The following PRRC2C variants were observed in gnomAD, a reference collection of about 807,000 sequenced individuals.
The protein encoded by PRRC2C is proline rich coiled-coil 2C.
PRRC2C carries 72 observed loss-of-function variants against 317.2 expected under a neutral mutation model. The ratio of observed to expected loss-of-function variants is 0.23; its 90% CI spans 0.19 to 0.28. The LOEUF (loss-of-function observed/expected upper bound fraction) is 0.28, where lower values mean the gene tolerates loss of function less well. Ranked by LOEUF, PRRC2C falls within the 10% of genes least tolerant of loss-of-function variation. The probability of loss-of-function intolerance (pLI) is 1.00; values close to 1 mark genes in which losing one functional copy is unlikely to be tolerated. For synonymous variants in PRRC2C, 1,296 were observed against 1,205.9 expected (o/e 1.07, Z -1.55); for missense variants, 3,074 against 3,459.7 (o/e 0.89, Z 2.80).
intron 1 of PRRC2C, chr1:171,511,434 T>C (rs1359752837): frequency 1.3e-5 from 2 of 152,188 alleles, no homozygotes; most frequent in African/African-American, 2.4e-5. Context: ...ACTTTATATA[T>C]GCTTTGAAAA....
At chr1:171,531,728 C>T (rs950722355) in intron 11 of PRRC2C, among the ~76,000 whole-genome samples, 1 of 152,154 alleles carries the variant, frequency 6.6e-6, no homozygotes, top group African/African-American at 2.4e-5. Context: ...TCAGATGATC[C>T]TCCGATTCTC....
chr1:171,514,674 C>T (rs777316883), intron 4 of PRRC2C, 29 bp downstream of exon 4: 41 of 1,529,816 alleles, frequency 2.7e-5, no homozygotes, highest in Non-Finnish European at 3.5e-5. Flanking sequence ...GGGAAGCTGC[C>T]TAGGCTTGAT....
intron 1 of PRRC2C, among the ~76,000 whole-genome samples, chr1:171,493,862 G>A (rs1477914721): frequency 6.6e-6 from 1 of 152,058 alleles, no homozygotes; most frequent in Non-Finnish European, 1.5e-5. Context: ...TATTAGTTTT[G>A]CAAATATTGA....
rs141563608 is a variant in PRRC2C at position 171,537,265 on chromosome 1, A to G, written c.2296A>G (p.Met766Val). ...AMDIPPIHPG[M>V]IPPKPLMRRD... The stretch of plus-strand genomic sequence containing the variant: ...CTTTTTCTGAACTTTTGTTACAGGA[A>G]TGATTCCTCCTAAACCATTAATGAG... Residue 766 changes from methionine (M) to valine (V), a missense_variant and splice_region_variant, in exon 15 of 35, where the codon ATG becomes GTG. Coordinates refer to ENST00000647382, the MANE Select transcript of PRRC2C (RefSeq NM_001387844.1). The G allele has an allele frequency of 1.6e-4, 258 of 1,584,338 alleles. 1 individual carries two copies. Among genetic ancestry groups the G allele is most frequent in the Non-Finnish European group, 2.1e-4 (248 of 1,163,852 alleles).
chr1:171,550,004 T>G (rs1679902051), intron 17 of PRRC2C, 82 bp from the exon 18 acceptor site: 2 of 1,129,864 alleles, frequency 1.8e-6, no homozygotes, highest in Non-Finnish European at 2.4e-6. Context: ...TTTTTTTTTT[T>G]TAAGTACTAC....
intron 1 of PRRC2C, among the ~76,000 whole-genome samples, chr1:171,496,776 T>C (rs1244291817): frequency 7.1e-5 from 3 of 42,490 alleles, no homozygotes; most frequent in Non-Finnish European, 2.6e-4. Flanking sequence ...ATTTGGGGCG[T>C]GTGTGTGTGT....
At position 171,486,174 on chromosome 1, in the gene PRRC2C, G is replaced by A. The variant is rs1666054118; in HGVS notation, c.-58+439G>A. 2.0e-5 allele frequency among the ~76,000 whole-genome samples: 3 copies of A among 150,674 alleles called. 1 individual carries two copies. In the South Asian group the frequency reaches 6.3e-4, roughly 32 times the overall value. ...CCCAAACAACTGAAGGACTCAGCCG[G>A]GGCTTTCACTGTCTACCTCTTCCTG... On this transcript the variant is annotated intron_variant, in intron 1 of 34. Transcript: ENST00000647382.
At chr1:171,569,901 C>T (rs1480066863) in intron 23 of PRRC2C, among the ~76,000 whole-genome samples, 3 of 151,480 alleles carry the variant, frequency 2.0e-5, no homozygotes, top group East Asian at 1.9e-4. Context: ...TTCTCAGAAC[C>T]CTTAAAATTC....
At chr1:171,489,495 A>G (rs980585409) in intron 1 of PRRC2C, among the ~76,000 whole-genome samples, 1 of 152,242 alleles carries the variant, frequency 6.6e-6, no homozygotes, top group Non-Finnish European at 1.5e-5. Context: ...GGTAAGGGAA[A>G]TTTGGTACAG....
intron 20 of PRRC2C, 91 bp from the exon 21 acceptor site, chr1:171,566,142 C>T (rs895524196): frequency 2.0e-6 from 2 of 1,022,768 alleles, no homozygotes; most frequent in Admixed American, 2.8e-5. Context: ...TGTCTTAAAC[C>T]TTCTATTGTA....
chr1:171,590,384 G>A (rs566262184), intron 34 of PRRC2C, among the ~76,000 whole-genome samples: 1 of 152,114 alleles, frequency 6.6e-6, no homozygotes, highest in Non-Finnish European at 1.5e-5. Context: ...AGTTGAATCC[G>A]TTTATTTCTA....
chr1:171,565,214 C>T (rs1299650377), intron 20 of PRRC2C, among the ~76,000 whole-genome samples: 5 of 152,128 alleles, frequency 3.3e-5, no homozygotes, highest in African/African-American at 1.2e-4. Flanking sequence ...TATGTGGTCT[C>T]CCTAAACTCT....
intron 20 of PRRC2C, among the ~76,000 whole-genome samples, chr1:171,565,583 G>A (rs1020461578): frequency 6.6e-6 from 1 of 152,110 alleles, no homozygotes; most frequent in African/African-American, 2.4e-5. Flanking sequence ...GAGTAGCTGC[G>A]ATTACAGGCA....
intron 32 of PRRC2C, 96 bp downstream of exon 32, chr1:171,587,847 C>A: frequency 1.4e-6 from 1 of 707,572 alleles, no homozygotes; most frequent in African/African-American, 1.8e-5. Flanking sequence ...CTTTTCCAAG[C>A]AGAAAAGGAA....
Position 171,587,664 on chromosome 1 carries a change from T to G in PRRC2C, c.7985T>G (p.Leu2662Arg). Reference sequence around the variant, plus strand: ...TCTCCTCAGATGTCTGAAATGGAACTAAAAGCCTTTGGAAGTGGCATTGAT... The same window carrying G: ...TCTCCTCAGATGTCTGAAATGGAACGAAAAGCCTTTGGAAGTGGCATTGAT... ...ATTGKMSEME[L>R]KAFGSGIDIK... The change falls in exon 32 of 35, where the codon CTA becomes CGA. Residue 2662 changes from leucine (L) to arginine (R), a missense_variant. Coordinates refer to ENST00000647382, the MANE Select transcript of PRRC2C (RefSeq NM_001387844.1). 6.2e-7 allele frequency: 1 copy of G among 1,610,996 alleles called. No homozygotes were observed. The highest frequency in any genetic ancestry group is 8.5e-7 in the Non-Finnish European group (1 of 1,177,380).
rs528654548 is a variant in PRRC2C at position 171,496,199 on chromosome 1, C to CTTTTTTTT, written c.-58+10481_-58+10488dup. ...ATTTTTAGAGCTTTGATTTTTGTGC[C>CTTTTTTTT]TTTTTTTTTTTTTTTTTTTTTTTTG... On this transcript the variant is annotated intron_variant, in intron 1 of 34. Transcript: ENST00000647382. 6.2e-3 allele frequency among the ~76,000 whole-genome samples: 469 copies of CTTTTTTTT among 75,622 alleles called. 20 individuals are homozygous for CTTTTTTTT. The highest frequency in any genetic ancestry group is 9.5e-3 in the African/African-American group (140 of 14,726). 49.6% of individuals were successfully genotyped at this position (75,622 alleles called of 152,430 possible).
Position 171,512,931 on chromosome 1 carries a change from G to A in PRRC2C, c.113-64G>A, listed in dbSNP as rs1176882974. 5.0e-6 allele frequency: 7 copies of A among 1,401,956 alleles called. No individual in the cohort carries two copies. In the Admixed American group the frequency reaches 1.6e-4, roughly 32 times the overall value. The allele number at this position is 1,401,956 out of a possible 1,614,324, so 86.8% of individuals were successfully genotyped here. ...TTAATTCCTATTGTTTTTCTATATT[G>A]TTTGAGGAATAAAATGGGTAATAAA... On this transcript the variant is annotated intron_variant, in intron 2 of 34. Coordinates refer to ENST00000647382, the MANE Select transcript of PRRC2C (RefSeq NM_001387844.1).
intron 1 of PRRC2C, among the ~76,000 whole-genome samples, chr1:171,500,447 T>C (rs1668876656): frequency 1.3e-5 from 2 of 152,162 alleles, no homozygotes; most frequent in African/African-American, 4.8e-5. Context: ...CACCCAGGCT[T>C]GAGTGGACTG....
chr1:171,486,470 A>G (rs921360791), intron 1 of PRRC2C, among the ~76,000 whole-genome samples: 16 of 152,088 alleles, frequency 1.1e-4, no homozygotes, highest in Non-Finnish European at 2.4e-4. Flanking sequence ...GACTGAAGAA[A>G]AGGGCATGGG....
Sources: gnomAD v4.1 joint callset for allele counts (sites outside exome capture counted in the v4.1 genomes callset) on GRCh38, gnomAD v4.1.1 for gene constraint, MANE v1.5 for transcripts, NCBI Gene and HGNC (gene_info 2026-07-23, HGNC 2026-07-21) for gene names.